ARHGAP15: variants seen among roughly 807,000 people sequenced by gnomAD.
ARHGAP15 encodes the protein Rho GTPase activating protein 15, also known as rho GTPase-activating protein 15.
In ARHGAP15, 51 loss-of-function variants were observed where a neutral mutation model predicts 63.7. That is an observed-to-expected ratio of 0.80 (90% confidence interval 0.64 to 1.01). The LOEUF is 1.01. Among genes scored for constraint, ARHGAP15 ranks in the 50% least tolerant of loss-of-function variants. ARHGAP15 has a pLI of 0.00. For missense variants in ARHGAP15, 560 were observed against 564.6 expected (o/e 0.99, Z 0.08); for synonymous variants, 191 against 193.8 (o/e 0.99, Z 0.12).
chr2:143,386,436 C>A (rs1490888445), intron 6 of ARHGAP15, among the ~76,000 whole-genome samples: 1 of 152,068 alleles, frequency 6.6e-6, no homozygotes, highest in East Asian at 1.9e-4. Flanking sequence ...GAAAGCACAA[C>A]TTGTCTTGGA....
chr2:143,134,449 A>G (rs527248543), intron 1 of ARHGAP15, among the ~76,000 whole-genome samples: 10 of 152,250 alleles, frequency 6.6e-5, no homozygotes, highest in Middle Eastern at 6.8e-3. Flanking sequence ...TATGGTTAAA[A>G]TTGATCTTCT....
At chr2:143,371,226 T>C (rs2104913902) in intron 6 of ARHGAP15, among the ~76,000 whole-genome samples, 1 of 152,340 alleles carries the variant, frequency 6.6e-6, no homozygotes, top group South Asian at 2.1e-4. Flanking sequence ...TAGGTATACG[T>C]GTGCCATGGG....
chr2:143,664,800 TAAAC>T lies in ARHGAP15; in HGVS notation c.1139-38618_1139-38615del, dbSNP rs1000461662. ...AATACTACAAACACCTCTACTCAAA[TAAAC>T]CAGAAAATCTAGAAGAAATGGATAA... is the stretch of plus-strand genomic sequence containing the variant. On this transcript the variant is annotated intron_variant, in intron 12 of 13. Transcript: ENST00000295095. Among the ~76,000 whole-genome samples the T allele has an allele frequency of 5.5e-4, 84 of 152,236 alleles. 1 individual carries two copies. Among genetic ancestry groups the T allele is most frequent in the Middle Eastern group, 3.4e-3 (1 of 294 alleles).
chr2:143,623,582 T>G (rs1185074955), intron 11 of ARHGAP15, among the ~76,000 whole-genome samples: 4 of 152,190 alleles, frequency 2.6e-5, no homozygotes, highest in Non-Finnish European at 4.4e-5. Flanking sequence ...ATATCCTTTC[T>G]CACTCAGTAT....
chr2:143,547,178 G>A (rs1232233759), intron 10 of ARHGAP15, among the ~76,000 whole-genome samples: 1 of 152,164 alleles, frequency 6.6e-6, no homozygotes, highest in Non-Finnish European at 1.5e-5. Context: ...GCTTCATGCA[G>A]TTAGGCCTCA....
chr2:143,669,286 G>A (rs1682393386), intron 12 of ARHGAP15, among the ~76,000 whole-genome samples: 1 of 152,160 alleles, frequency 6.6e-6, no homozygotes, highest in African/African-American at 2.4e-5. Context: ...TAATGTCAAA[G>A]CCAGCTTCCT....
chr2:143,291,259 G>A (rs767721373), intron 6 of ARHGAP15, among the ~76,000 whole-genome samples: 2 of 152,042 alleles, frequency 1.3e-5, no homozygotes, highest in Non-Finnish European at 1.5e-5. Context: ...AATGGTATTC[G>A]ATTAAGTATT....
At chr2:143,334,710 AAAGAAT>A (rs1271296458) in intron 6 of ARHGAP15, among the ~76,000 whole-genome samples, 4 of 152,212 alleles carry the variant, frequency 2.6e-5, no homozygotes, top group Admixed American at 2.6e-4. Context: ...ATTTCATACT[AAAGAAT>A]AAGCAAAGAA....
At chr2:143,303,552 A>G (rs560395339) in intron 6 of ARHGAP15, among the ~76,000 whole-genome samples, 2 of 152,256 alleles carry the variant, frequency 1.3e-5, no homozygotes, top group East Asian at 3.9e-4. Flanking sequence ...GGACATAGGC[A>G]TGGGCAAGGA....
At chr2:143,140,864 C>G (rs1357882250) in intron 1 of ARHGAP15, among the ~76,000 whole-genome samples, 1 of 152,148 alleles carries the variant, frequency 6.6e-6, no homozygotes, top group Non-Finnish European at 1.5e-5. Context: ...GGGAAGACAA[C>G]CAGCTATGGT....
chr2:143,688,931 A>G (rs1683472023), intron 12 of ARHGAP15, among the ~76,000 whole-genome samples: 1 of 152,138 alleles, frequency 6.6e-6, no homozygotes, highest in African/African-American at 2.4e-5. Context: ...TACCACCTCG[A>G]TAATATTTTC....
chr2:143,548,074 A>C (rs2105066568), intron 10 of ARHGAP15, among the ~76,000 whole-genome samples: 1 of 152,308 alleles, frequency 6.6e-6, no homozygotes, highest in East Asian at 1.9e-4. Flanking sequence ...CAATGTAACA[A>C]CACCTGTCTT....
chr2:143,700,492 AT>A (rs1198481115), intron 12 of ARHGAP15, among the ~76,000 whole-genome samples: 3 of 152,060 alleles, frequency 2.0e-5, no homozygotes, highest in Non-Finnish European at 4.4e-5. Context: ...CATTAACCTG[AT>A]TATTACTTTA....
intron 3 of ARHGAP15, among the ~76,000 whole-genome samples, chr2:143,207,495 A>AACACACACAC (rs70982851): frequency 5.5e-5 from 8 of 145,764 alleles, no homozygotes; most frequent in African/African-American, 2.0e-4. Flanking sequence ...CACACACATA[A>AACACACACAC]ACACACACAC....
intron 6 of ARHGAP15, among the ~76,000 whole-genome samples, chr2:143,278,858 T>C (rs1019515200): frequency 7.2e-6 from 1 of 138,162 alleles, no homozygotes; most frequent in African/African-American, 2.9e-5. Flanking sequence ...GCTGAAGAGT[T>C]TCTTTCTTTC....
intron 11 of ARHGAP15, among the ~76,000 whole-genome samples, chr2:143,602,265 G>T (rs1697801733): frequency 6.6e-6 from 1 of 152,156 alleles, no homozygotes; most frequent in Non-Finnish European, 1.5e-5. Flanking sequence ...AAAGAAGATA[G>T]CCCTGGAGTG....
At chr2:143,587,677 C>T (rs1559066506) in intron 11 of ARHGAP15, 2 of 468,190 alleles carry the variant, frequency 4.3e-6, no homozygotes. Flanking sequence ...TGTCTTCTGT[C>T]TTTCACAGTC....
Position 143,703,425 on chromosome 2 carries a change from A to G in ARHGAP15, c.1145A>G (p.Gln382Arg). 2 of 1,604,356 alleles carry G rather than the reference A, an allele frequency of 1.2e-6. No individual in the cohort carries two copies. The highest frequency in any genetic ancestry group is 1.1e-5 in the South Asian group (1 of 88,522). ...FEQFVEAIKKQDNNTRIEAVK... is the reference protein window; with the variant it reads ...FEQFVEAIKKRDNNTRIEAVK... ...TTTTTATTTTTTTTTCCAGAAAAGC[A>G]AGACAACAACACAAGAATTGAAGCT... The change falls in exon 13 of 14, where the codon CAA (glutamine) becomes CGA (arginine). Residue 382 changes from glutamine to arginine, a missense_variant. Coordinates refer to ENST00000295095, the MANE Select transcript of ARHGAP15 (RefSeq NM_018460.4).
chr2:143,547,920 C>A (rs1372351786), intron 10 of ARHGAP15, among the ~76,000 whole-genome samples: 2 of 152,074 alleles, frequency 1.3e-5, no homozygotes, highest in African/African-American at 4.8e-5. Flanking sequence ...ACCATCCCCC[C>A]ACCCACAATC....
Sources: gnomAD v4.1 joint callset for allele counts (sites outside exome capture counted in the v4.1 genomes callset) on GRCh38, gnomAD v4.1.1 for gene constraint, MANE v1.5 for transcripts, NCBI Gene and HGNC (gene_info 2026-07-23, HGNC 2026-07-21) for gene names.